The following PCDHA1 variants were observed in gnomAD, a reference collection of about 807,000 sequenced individuals.
PCDHA1 encodes protocadherin alpha 1.
PCDHA1 carries 42 observed loss-of-function variants against 61.3 expected under a neutral mutation model. The observed-to-expected ratio is 0.69, with a 90% CI of 0.54 to 0.89. The LOEUF (loss-of-function observed/expected upper bound fraction) is 0.89. Ranked by LOEUF, PCDHA1 falls within the 40% of genes least tolerant of loss-of-function variation. PCDHA1 has a pLI of 0.00. For missense variants in PCDHA1, 1,256 were observed against 1,235.3 expected, an observed-to-expected ratio of 1.02 and a Z score of -0.25; for synonymous variants, 610 against 553.8, an observed-to-expected ratio of 1.10 and a Z score of -1.43.
intron 1 of PCDHA1, chr5:140,967,146 AC>A: frequency 6.2e-7 from 1 of 1,610,972 alleles, no homozygotes; most frequent in Non-Finnish European, 8.5e-7. Context: ...CTGGCGCACA[AC>A]CCCGTGGCGG....
At chr5:140,790,141 T>C (rs1445284087) in intron 1 of PCDHA1, among the ~76,000 whole-genome samples, 1 of 152,174 alleles carries the variant, frequency 6.6e-6, no homozygotes, top group Non-Finnish European at 1.5e-5. Flanking sequence ...AGCCTCTTCC[T>C]GCTACAAAAT....
rs782270666 is a variant in PCDHA1, at chr5:140,884,372, A to G, written c.2395-94577A>G. ...GGTGGATGTCAATGTTTACTTGATC[A>G]TTGCCATCTGCGCGGTGTCCAGCCT... On this transcript the variant is annotated intron_variant, in intron 1 of 3. Coordinates refer to ENST00000504120, the MANE Select transcript of PCDHA1 (RefSeq NM_018900.4). 6 of 1,613,806 alleles carry G rather than the reference A, an allele frequency of 3.7e-6. No homozygotes were observed. Among genetic ancestry groups the G allele is most frequent in the Non-Finnish European group, 5.1e-6 (6 of 1,179,874 alleles).
chr5:140,932,608 T>C (rs573580763), intron 1 of PCDHA1, among the ~76,000 whole-genome samples: 1 of 151,996 alleles, frequency 6.6e-6, no homozygotes, highest in African/African-American at 2.4e-5. Flanking sequence ...TATTTTGACT[T>C]TGAAGCTGAT....
chr5:141,008,439 G>A (rs2098377388), intron 3 of PCDHA1, among the ~76,000 whole-genome samples: 1 of 152,128 alleles, frequency 6.6e-6, no homozygotes, highest in African/African-American at 2.4e-5. Context: ...TGCCCAGACA[G>A]ACCATTACCC....
chr5:140,796,773 C>T (rs1554120099), intron 1 of PCDHA1: 1 of 1,614,122 alleles, frequency 6.2e-7, no homozygotes, highest in Non-Finnish European at 8.5e-7. Context: ...ACTCAGGCTA[C>T]AACGCGTGGC....
At position 140,824,341 on chromosome 5, in the gene PCDHA1, TAAAATAA is replaced by T. The variant is rs1352214972; in HGVS notation, c.2394+35658_2394+35664del. ...AGCTTTCTGTGATATTAAGTGTTTTTAAAATAATATTTTATATTAGCATTTGAATTTT... is the reference window on the plus strand; with the variant it reads ...AGCTTTCTGTGATATTAAGTGTTTTTTATTTTATATTAGCATTTGAATTTT... On this transcript the variant is annotated intron_variant, in intron 1 of 3. Transcript: ENST00000504120. 8.2e-6 allele frequency: 5 copies of T among 607,692 alleles called. No homozygotes were observed. In the African/African-American group the frequency reaches 9.4e-5, roughly 11 times the overall value. The allele number at this position is 607,692 out of a possible 1,614,324, so 37.6% of individuals were successfully genotyped here.
chr5:140,821,696 T>C (rs1767030213), intron 1 of PCDHA1: 3 of 1,400,466 alleles, frequency 2.1e-6, no homozygotes, highest in Non-Finnish European at 2.9e-6. Flanking sequence ...ATAAAAAATA[T>C]ATAGTTAATT....
intron 1 of PCDHA1, among the ~76,000 whole-genome samples, chr5:140,873,569 G>A (rs1419596036): frequency 6.7e-6 from 1 of 148,974 alleles, no homozygotes; most frequent in African/African-American, 2.4e-5. Context: ...TTCTAGTTTG[G>A]TTGTTTAAGT....
intron 1 of PCDHA1, among the ~76,000 whole-genome samples, chr5:140,901,786 T>C (rs2068901288): frequency 6.6e-6 from 1 of 152,242 alleles, no homozygotes; most frequent in South Asian, 2.1e-4. Context: ...TAGATTACTT[T>C]GGGTAGTATG....
chr5:140,850,711 T>C (rs2150495553), intron 1 of PCDHA1: 1 of 1,597,796 alleles, frequency 6.3e-7, no homozygotes, highest in Non-Finnish European at 8.6e-7. Flanking sequence ...AAGCCGACGC[T>C]GGTGTGTTCT....
At chr5:140,819,480 C>T (rs1242714625) in intron 1 of PCDHA1, among the ~76,000 whole-genome samples, 3 of 152,058 alleles carry the variant, frequency 2.0e-5, no homozygotes, top group Non-Finnish European at 2.9e-5. Flanking sequence ...CACAATGATG[C>T]TTAAACATGA....
At chr5:140,841,346 C>G (rs1777168943) in intron 1 of PCDHA1, 1 of 1,612,554 alleles carries the variant, frequency 6.2e-7, no homozygotes, top group Non-Finnish European at 8.5e-7. Context: ...GCGAGGAGAG[C>G]TGGGATCCTG....
At chr5:140,841,243 T>G in intron 1 of PCDHA1, 1 of 1,494,736 alleles carries the variant, frequency 6.7e-7, no homozygotes, top group Non-Finnish European at 9.0e-7. Flanking sequence ...GCAGCGGAAT[T>G]GGATTAAAAG....
At chr5:140,812,151 T>A (rs1554125915) in intron 1 of PCDHA1, 1 of 151,954 alleles carries the variant, frequency 6.6e-6, no homozygotes, top group Non-Finnish European at 1.5e-5. Context: ...TGGGCTTTTG[T>A]TGTTGTTGTT....
chr5:140,923,573 A>C (rs1180737452), intron 1 of PCDHA1, among the ~76,000 whole-genome samples: 2 of 152,214 alleles, frequency 1.3e-5, no homozygotes, highest in African/African-American at 4.8e-5. Flanking sequence ...GGTCCTGCTA[A>C]AGAGAAGGTT....
intron 1 of PCDHA1, among the ~76,000 whole-genome samples, chr5:140,900,073 G>C (rs1490261769): frequency 6.6e-6 from 1 of 152,072 alleles, no homozygotes; most frequent in South Asian, 2.1e-4. Context: ...GCCTCCAAAA[G>C]TGCTGCAGTT....
intron 1 of PCDHA1, among the ~76,000 whole-genome samples, chr5:140,789,079 A>G (rs1360504444): frequency 6.6e-6 from 1 of 152,282 alleles, no homozygotes; most frequent in African/African-American, 2.4e-5. Context: ...AAAGTTACAG[A>G]AATCATCTGC....
chr5:140,787,149 C>A lies in PCDHA1; in HGVS notation c.859C>A (p.Arg287Ser). ...CTTTTCCTTTGACAGTGGTATTTCT[C>A]GTGACATTCAAGAAAAATTCAAAGT... is the stretch of plus-strand genomic sequence containing the variant. ...VVFSFDSGISRDIQEKFKVDS... is the reference protein window; with the variant it reads ...VVFSFDSGISSDIQEKFKVDS... The change falls in exon 1 of 4, where the codon CGT becomes AGT. Residue 287 changes from arginine (R) to serine (S), a missense_variant. By Grantham distance (110) the Arg-to-Ser change is moderately radical. Coordinates refer to ENST00000504120, the MANE Select transcript of PCDHA1 (RefSeq NM_018900.4). The A allele has an allele frequency of 6.2e-7, 1 of 1,613,746 alleles. No individual in the cohort carries two copies. Among genetic ancestry groups the A allele is most frequent in the Non-Finnish European group, 8.5e-7 (1 of 1,179,884 alleles).
intron 1 of PCDHA1, chr5:140,835,888 G>T (rs2150247601): frequency 6.2e-7 from 1 of 1,611,944 alleles, no homozygotes; most frequent in Non-Finnish European, 8.5e-7. Flanking sequence ...GTGGGCGAGC[G>T]CGCGCTGTCG....
Sources: gnomAD v4.1 joint callset for allele counts (sites outside exome capture counted in the v4.1 genomes callset) on GRCh38, gnomAD v4.1.1 for gene constraint, MANE v1.5 for transcripts, NCBI Gene and HGNC (gene_info 2026-07-23, HGNC 2026-07-21) for gene names.